Variants in SLC24A2 observed in about 807,000 individuals in gnomAD.
SLC24A2 encodes sodium/potassium/calcium exchanger 2.
SLC24A2 carries 36 observed loss-of-function variants against 62.0 expected under a neutral mutation model. The ratio of observed to expected loss-of-function variants is 0.58; its 90% CI spans 0.44 to 0.77. SLC24A2 has a LOEUF of 0.77. SLC24A2 is among the 30% of genes least tolerant of loss of function. SLC24A2 has a pLI of 0.00. For missense variants in SLC24A2, 846 were observed against 817.9 expected, an observed-to-expected ratio of 1.03 and a Z score of -0.42; for synonymous variants, 358 against 294.0, an observed-to-expected ratio of 1.22 and a Z score of -2.23.
the SLC24A2 span, among the ~76,000 whole-genome samples, chr9:20,040,644 A>T: frequency 6.6e-6 from 1 of 152,216 alleles, no homozygotes; most frequent in South Asian, 2.1e-4. Context: ...GCTACATAGA[A>T]ATACATGAAT....
At chr9:20,036,966 G>A in the SLC24A2 span, among the ~76,000 whole-genome samples, 1 of 151,912 alleles carries the variant, frequency 6.6e-6, no homozygotes, top group Non-Finnish European at 1.5e-5. Context: ...CGTGATCTCA[G>A]CTCACTGCAA....
chr9:20,037,403 G>A, the SLC24A2 span, among the ~76,000 whole-genome samples: 16 of 152,058 alleles, frequency 1.1e-4, no homozygotes, highest in Admixed American at 7.2e-4. Flanking sequence ...AGATACTGAG[G>A]GCTGACTGTA....
At chr9:19,562,200 A>C (rs894905733) in intron 7 of SLC24A2, among the ~76,000 whole-genome samples, 1 of 152,198 alleles carries the variant, frequency 6.6e-6, no homozygotes, top group African/African-American at 2.4e-5. Context: ...TAAAATCCAT[A>C]AGTGATTTGC....
chr9:19,899,541 G>A, the SLC24A2 span, among the ~76,000 whole-genome samples: 1 of 152,198 alleles, frequency 6.6e-6, no homozygotes, highest in Non-Finnish European at 1.5e-5. Flanking sequence ...CTCACATCAT[G>A]AAAGCTTGGG....
chr9:19,833,467 C>A, the SLC24A2 span, among the ~76,000 whole-genome samples: 1 of 152,176 alleles, frequency 6.6e-6, no homozygotes, highest in Non-Finnish European at 1.5e-5. Context: ...GCCCATGGAA[C>A]CTCGCTCATT....
the SLC24A2 span, among the ~76,000 whole-genome samples, chr9:20,023,126 C>T: frequency 7.2e-5 from 11 of 152,262 alleles, no homozygotes; most frequent in South Asian, 2.1e-4. Context: ...TAAAAAGCCA[C>T]GACAGACTGA....
At chr9:19,661,214 T>G (rs942777798) in intron 2 of SLC24A2, among the ~76,000 whole-genome samples, 4 of 151,512 alleles carry the variant, frequency 2.6e-5, no homozygotes, top group Non-Finnish European at 5.9e-5. Context: ...TTTTTTGTGA[T>G]TCTTCCTCAT....
At chr9:20,134,098 C>T in the SLC24A2 span, among the ~76,000 whole-genome samples, 14 of 152,018 alleles carry the variant, frequency 9.2e-5, no homozygotes, top group African/African-American at 3.4e-4. Flanking sequence ...ACTATGATAT[C>T]GATGAGAGCT....
At chr9:20,133,174 T>C in the SLC24A2 span, among the ~76,000 whole-genome samples, 2 of 152,100 alleles carry the variant, frequency 1.3e-5, no homozygotes, top group Non-Finnish European at 2.9e-5. Flanking sequence ...CAGACTTGCT[T>C]AGCCCTTGCT....
At chr9:20,282,749 T>A in the SLC24A2 span, among the ~76,000 whole-genome samples, 1 of 152,232 alleles carries the variant, frequency 6.6e-6, no homozygotes, top group Non-Finnish European at 1.5e-5. Flanking sequence ...CTCACGAGTT[T>A]ATATACTCTT....
chr9:19,912,499 C>T, the SLC24A2 span, among the ~76,000 whole-genome samples: 1 of 152,126 alleles, frequency 6.6e-6, no homozygotes, highest in African/African-American at 2.4e-5. Flanking sequence ...CTGCTCTCTA[C>T]AGTACAACAG....
chr9:20,005,990 A>G, the SLC24A2 span, among the ~76,000 whole-genome samples: 3 of 151,800 alleles, frequency 2.0e-5, no homozygotes, highest in African/African-American at 7.2e-5. Flanking sequence ...AAATTTGTAT[A>G]TATATTCTGT....
At chr9:19,534,852 A>G (rs1202909011) in intron 8 of SLC24A2, among the ~76,000 whole-genome samples, 1 of 152,238 alleles carries the variant, frequency 6.6e-6, no homozygotes, top group Non-Finnish European at 1.5e-5. Context: ...AGAATGATTT[A>G]TAATCCTTTG....
At chr9:19,789,699 G>C (rs1564103525), upstream of SLC24A2, among the ~76,000 whole-genome samples, 1 of 152,196 alleles carries the variant, frequency 6.6e-6, no homozygotes, top group South Asian at 2.1e-4. Flanking sequence ...ATAGAATCAG[G>C]CTTGTTGGGG....
the SLC24A2 span, among the ~76,000 whole-genome samples, chr9:20,251,509 A>C: frequency 6.6e-6 from 1 of 152,240 alleles, no homozygotes; most frequent in Non-Finnish European, 1.5e-5. Context: ...ATGTTTGCTC[A>C]ATCTACTGAC....
chr9:20,097,274 G>C, the SLC24A2 span, among the ~76,000 whole-genome samples: 2 of 152,136 alleles, frequency 1.3e-5, no homozygotes, highest in African/African-American at 4.8e-5. Context: ...CCAATTGCCC[G>C]ATAATTCATC....
chr9:19,616,571 C>A (rs542059757), intron 4 of SLC24A2, among the ~76,000 whole-genome samples: 1 of 152,306 alleles, frequency 6.6e-6, no homozygotes, highest in East Asian at 1.9e-4. Context: ...TTTCTTCTCT[C>A]GCATGGTCAA....
intron 8 of SLC24A2, among the ~76,000 whole-genome samples, chr9:19,528,865 ATATAT>A (rs1563934945): frequency 6.6e-6 from 1 of 152,050 alleles, no homozygotes; most frequent in Non-Finnish European, 1.5e-5. Flanking sequence ...CCACCCCAAA[ATATAT>A]TATGTTCAAT....
chr9:19,616,132 G>A (rs1279263160), intron 4 of SLC24A2, among the ~76,000 whole-genome samples: 1 of 152,002 alleles, frequency 6.6e-6, no homozygotes, highest in Non-Finnish European at 1.5e-5. Flanking sequence ...GAAAATTAGA[G>A]GGTTGATGAA....
Sources: gnomAD v4.1 joint callset for allele counts (sites outside exome capture counted in the v4.1 genomes callset) on GRCh38, gnomAD v4.1.1 for gene constraint, MANE v1.5 for transcripts, NCBI Gene and HGNC (gene_info 2026-07-23, HGNC 2026-07-21) for gene names.